The following GCNT2 variants were observed in gnomAD, a reference collection of about 807,000 sequenced individuals.
GCNT2 encodes the protein N-acetyllactosaminide beta-1,6-N-acetylglucosaminyl-transferase.
A neutral mutation model predicts 34.2 loss-of-function variants in GCNT2; 34 were observed. The ratio of observed to expected loss-of-function variants is 1.00; its 90% CI spans 0.76 to 1.32. The LOEUF is 1.32. Among genes scored for constraint, GCNT2 ranks in the 40% most tolerant of loss-of-function variants. The pLI, the probability that GCNT2 is intolerant of heterozygous loss-of-function variation, is 0.00. For synonymous variants in GCNT2, 212 were observed against 188.0 expected, an observed-to-expected ratio of 1.13 and a Z score of -1.04; for missense variants, 584 against 489.4, an observed-to-expected ratio of 1.19 and a Z score of -1.82.
intron 3 of GCNT2, among the ~76,000 whole-genome samples, chr6:10,575,466 A>C (rs1446549782): frequency 1.3e-5 from 2 of 149,936 alleles, no homozygotes; most frequent in East Asian, 2.0e-4. Flanking sequence ...GGTTCAAGAG[A>C]TTCTCCTGCC....
rs556838394 is a variant in GCNT2, at chr6:10,564,258, G to C, written c.925+34422G>C. ...CGGGACCAGAGGGGCTGAGTAATGT[G>C]CCCTGTTCCAAAAGCAGGAAGCAGA... On this transcript the variant is annotated intron_variant, in intron 3 of 4. Transcript: ENST00000495262. Among the ~76,000 whole-genome samples the C allele has an allele frequency of 4.1e-4, 62 of 152,276 alleles. 2 individuals are homozygous for C. The South Asian group carries it at 0.012, about 31-fold the overall frequency.
At chr6:10,531,040 CA>C (rs568195630) in intron 3 of GCNT2, among the ~76,000 whole-genome samples, 1,647 of 95,706 alleles carry the variant, frequency 0.017, 16 homozygotes, top group African/African-American at 0.05. Flanking sequence ...GACTCTGTCT[CA>C]AAAAAAAAAA....
At chr6:10,564,985 A>G (rs892904320) in intron 3 of GCNT2, among the ~76,000 whole-genome samples, 5 of 152,338 alleles carry the variant, frequency 3.3e-5, no homozygotes, top group Admixed American at 3.3e-4. Context: ...GGAGCAACCT[A>G]CTGTAGATGA....
intron 3 of GCNT2, among the ~76,000 whole-genome samples, chr6:10,560,060 A>T (rs2113678558): frequency 6.6e-6 from 1 of 152,292 alleles, no homozygotes; most frequent in Non-Finnish European, 1.5e-5. Context: ...TCTGGTTCTT[A>T]TATAACCACA....
intron 3 of GCNT2, among the ~76,000 whole-genome samples, chr6:10,540,634 G>T (rs1325192960): frequency 6.6e-6 from 1 of 152,160 alleles, no homozygotes; most frequent in African/African-American, 2.4e-5. Context: ...TCATCACTGA[G>T]TGGGCTTCCA....
intron 1 of GCNT2, among the ~76,000 whole-genome samples, chr6:10,524,150 A>C (rs1171333504): frequency 6.6e-6 from 1 of 152,060 alleles, no homozygotes; most frequent in African/African-American, 2.4e-5. Context: ...AATTCACTCC[A>C]AGAGGAAGCT....
intron 3 of GCNT2, among the ~76,000 whole-genome samples, chr6:10,559,596 TAG>T (rs1188595694): frequency 6.6e-6 from 1 of 152,232 alleles, no homozygotes; most frequent in Non-Finnish European, 1.5e-5. Context: ...TGGGAATCTA[TAG>T]AGAGAAAGGC....
chr6:10,582,541 ATCATGTATAAT>A (rs1439660587), intron 3 of GCNT2, among the ~76,000 whole-genome samples: 12 of 132,620 alleles, frequency 9.0e-5, no homozygotes, highest in African/African-American at 3.5e-4. Context: ...TATATTATAT[ATCATGTATAAT>A]ATATATCATA....
At chr6:10,570,171 G>GTACT (rs1167406279) in intron 3 of GCNT2, among the ~76,000 whole-genome samples, 7 of 152,288 alleles carry the variant, frequency 4.6e-5, no homozygotes, top group South Asian at 2.1e-4. Context: ...CTGGACTCAA[G>GTACT]TGATTCACCT....
chr6:10,535,460 TG>T, intron 3 of GCNT2, among the ~76,000 whole-genome samples: 1 of 152,364 alleles, frequency 6.6e-6, no homozygotes, highest in East Asian at 1.9e-4. Context: ...GTTTCTTGTG[TG>T]ATTCAGCTGT....
chr6:10,551,864 T>C (rs1242882315), intron 3 of GCNT2, among the ~76,000 whole-genome samples: 3 of 152,070 alleles, frequency 2.0e-5, no homozygotes, highest in African/African-American at 7.2e-5. Flanking sequence ...TTCAAGCGAT[T>C]CTCCTGCCTC....
At chr6:10,594,365 G>A (rs764135970) in intron 3 of GCNT2, among the ~76,000 whole-genome samples, 37 of 152,196 alleles carry the variant, frequency 2.4e-4, no homozygotes, top group Non-Finnish European at 4.3e-4. Context: ...GCTTTATGGT[G>A]TTGATTGCAT....
At chr6:10,592,162 A>G (rs28360559) in intron 3 of GCNT2, among the ~76,000 whole-genome samples, 28,542 of 152,196 alleles carry the variant, frequency 0.19, 3,313 homozygotes, top group African/African-American at 0.33. Context: ...ATCCACACTG[A>G]CATTTGTCTT....
At chr6:10,593,572 A>C (rs1465379072) in intron 3 of GCNT2, among the ~76,000 whole-genome samples, 1 of 152,144 alleles carries the variant, frequency 6.6e-6, no homozygotes. Context: ...TCCAGGGCTC[A>C]ATTGATTCTC....
In GCNT2 at chr6:10,569,235, C is replaced by CCACACACACACA. The variant is rs373362957; in HGVS notation, c.925+39427_925+39438dup. Among the ~76,000 whole-genome samples, 365 of 47,512 alleles carry CCACACACACACA rather than the reference C, an allele frequency of 7.7e-3. 13 individuals carry two copies. The highest frequency in any genetic ancestry group is 0.031 in the Middle Eastern group (2 of 64). The allele number at this position is 47,512 out of a possible 152,430, so 31.2% of individuals were successfully genotyped here. ...CACCCCCTGCCACCCACTCCCCCCG[C>CCACACACACACA]CACACACACACACACACACACACAC... is the stretch of plus-strand genomic sequence containing the variant. On this transcript the variant is annotated intron_variant, in intron 3 of 4. Coordinates refer to ENST00000495262, the MANE Select transcript of GCNT2 (RefSeq NM_145649.5).
rs771813690 is a variant in GCNT2, at chr6:10,529,090, C to T, written c.179C>T (p.Pro60Leu). 1 of 1,614,022 alleles carries T rather than the reference C, an allele frequency of 6.2e-7. No homozygotes were observed. The highest frequency in any genetic ancestry group is 1.1e-5 in the South Asian group (1 of 91,072). The change falls in exon 3 of 5, where the codon CCA (proline) becomes CTA (leucine). Residue 60 changes from proline to leucine, a missense_variant. Pro to Leu is a moderately conservative substitution (Grantham distance 98). Coordinates refer to ENST00000495262, the MANE Select transcript of GCNT2 (RefSeq NM_145649.5). ...HQIFEGKVFY[P>L]TENALKTTLD... The stretch of plus-strand genomic sequence containing the variant: ...ATTTTTGAGGGGAAAGTTTTTTACC[C>T]AACAGAAAATGCATTGAAAACTACC...
At chr6:10,552,567 G>A (rs1261478144) in intron 3 of GCNT2, among the ~76,000 whole-genome samples, 5 of 151,864 alleles carry the variant, frequency 3.3e-5, no homozygotes, top group African/African-American at 7.2e-5. Context: ...CATTGTATTC[G>A]GTATTATAAG....
chr6:10,597,304 C>T (rs1307533803), intron 3 of GCNT2, among the ~76,000 whole-genome samples: 1 of 151,642 alleles, frequency 6.6e-6, no homozygotes, highest in Non-Finnish European at 1.5e-5. Context: ...TACAGGTGTG[C>T]CCTACCATGC....
intron 3 of GCNT2, chr6:10,556,451 A>G (rs772689481): frequency 2.5e-6 from 4 of 1,614,084 alleles, no homozygotes; most frequent in South Asian, 2.2e-5. Flanking sequence ...TTACCTCTTC[A>G]TAATTTCTGT....
Sources: gnomAD v4.1 joint callset for allele counts (sites outside exome capture counted in the v4.1 genomes callset) on GRCh38, gnomAD v4.1.1 for gene constraint, MANE v1.5 for transcripts, NCBI Gene and HGNC (gene_info 2026-07-23, HGNC 2026-07-21) for gene names.